The following SYT1 variants were observed in gnomAD, a reference collection of about 807,000 sequenced individuals.
The protein encoded by SYT1 is synaptotagmin 1.
In SYT1, 8 loss-of-function variants were observed where a neutral mutation model predicts 44.8. The observed-to-expected ratio is 0.18, with a 90% CI of 0.10 to 0.32. The LOEUF is 0.32. Ranked by LOEUF, SYT1 falls within the 10% of genes least tolerant of loss-of-function variation. The pLI is 1.00. For missense variants in SYT1, 286 were observed against 509.3 expected (o/e 0.56, Z 4.22); for synonymous variants, 154 against 188.8 (o/e 0.82, Z 1.51).
At chr12:79,218,153 T>C (rs997839971) in intron 4 of SYT1, among the ~76,000 whole-genome samples, 6 of 152,148 alleles carry the variant, frequency 3.9e-5, no homozygotes, top group African/African-American at 1.2e-4. Context: ...AGTTTCCTTA[T>C]TGTCATTAAA....
chr12:79,328,182 T>C (rs537432023), intron 8 of SYT1, among the ~76,000 whole-genome samples: 4 of 152,214 alleles, frequency 2.6e-5, no homozygotes, highest in Non-Finnish European at 5.9e-5. Context: ...ATTGAAAAAG[T>C]ATTTTCAAAA....
At chr12:79,386,450 C>A (rs1884438166) in intron 9 of SYT1, among the ~76,000 whole-genome samples, 2 of 152,002 alleles carry the variant, frequency 1.3e-5, no homozygotes, top group South Asian at 4.2e-4. Flanking sequence ...TTGCTGCACC[C>A]ATCAACCCAT....
At chr12:78,970,585 C>T (rs1565742234) in intron 1 of SYT1, among the ~76,000 whole-genome samples, 2 of 152,164 alleles carry the variant, frequency 1.3e-5, no homozygotes, top group Non-Finnish European at 2.9e-5. Flanking sequence ...CAAATCTCAG[C>T]TCAACTTCCT....
intron 4 of SYT1, among the ~76,000 whole-genome samples, chr12:79,222,740 T>C (rs956161584): frequency 6.6e-6 from 1 of 152,150 alleles, no homozygotes; most frequent in Non-Finnish European, 1.5e-5. Context: ...TCCTATGGCT[T>C]GATTGTTTGC....
intron 2 of SYT1, among the ~76,000 whole-genome samples, chr12:79,038,706 T>G: frequency 6.6e-6 from 1 of 151,974 alleles, no homozygotes; most frequent in African/African-American, 2.4e-5. Context: ...GTTTTGAAAT[T>G]TAAACCTTAG....
intron 1 of SYT1, among the ~76,000 whole-genome samples, chr12:78,865,499 T>C (rs1207929562): frequency 6.6e-6 from 1 of 151,858 alleles, no homozygotes; most frequent in Non-Finnish European, 1.5e-5. Flanking sequence ...GAGGATTGCC[T>C]TTCTTAGAGG....
At chr12:79,002,692 C>T (rs1592650771) in intron 2 of SYT1, among the ~76,000 whole-genome samples, 1 of 151,970 alleles carries the variant, frequency 6.6e-6, no homozygotes, top group East Asian at 1.9e-4. Context: ...TTTAGCATCA[C>T]TAATGACTAT....
intron 3 of SYT1, among the ~76,000 whole-genome samples, chr12:79,151,717 G>A (rs1870284979): frequency 1.3e-5 from 2 of 152,136 alleles, no homozygotes; most frequent in African/African-American, 4.8e-5. Flanking sequence ...GAATCACCTT[G>A]ATTAGATGTC....
At chr12:79,425,949 C>T (rs1869418643) in intron 9 of SYT1, among the ~76,000 whole-genome samples, 1 of 152,078 alleles carries the variant, frequency 6.6e-6, no homozygotes, top group South Asian at 2.1e-4. Context: ...GGTAGCTCCT[C>T]TTAGAATATT....
At chr12:79,169,712 T>C (rs961740078) in intron 3 of SYT1, among the ~76,000 whole-genome samples, 1 of 152,012 alleles carries the variant, frequency 6.6e-6, no homozygotes, top group African/African-American at 2.4e-5. Context: ...TTTTTAACTT[T>C]TAAATTTAGG....
At chr12:78,978,108 T>G (rs529493936) in intron 2 of SYT1, among the ~76,000 whole-genome samples, 177 bp downstream of exon 2, 1 of 152,202 alleles carries the variant, frequency 6.6e-6, no homozygotes, top group African/African-American at 2.4e-5. Context: ...AATTAGTGTT[T>G]GTCACATATT....
intron 9 of SYT1, among the ~76,000 whole-genome samples, chr12:79,397,533 G>C (rs1434561015): frequency 6.6e-6 from 1 of 152,104 alleles, no homozygotes; most frequent in Non-Finnish European, 1.5e-5. Flanking sequence ...TGGCCCATCA[G>C]AGGTTTTTAA....
At chr12:79,013,074 C>T (rs1305201264) in intron 2 of SYT1, among the ~76,000 whole-genome samples, 1 of 152,034 alleles carries the variant, frequency 6.6e-6, no homozygotes. Context: ...GCTCAGGAGT[C>T]ACTTACCAAA....
intron 9 of SYT1, among the ~76,000 whole-genome samples, chr12:79,426,311 A>C (rs1869444845): frequency 6.6e-6 from 1 of 152,194 alleles, no homozygotes. Context: ...AGCATTTAGC[A>C]CTTGCAATCC....
chr12:79,259,928 G>A (rs529609549), intron 4 of SYT1, among the ~76,000 whole-genome samples: 102 of 152,006 alleles, frequency 6.7e-4, no homozygotes, highest in African/African-American at 1.9e-3. Flanking sequence ...TGATTCCACC[G>A]TTCCTTATTT....
chr12:79,209,585 G>A (rs1874320526), intron 3 of SYT1, among the ~76,000 whole-genome samples: 1 of 152,190 alleles, frequency 6.6e-6, no homozygotes, highest in African/African-American at 2.4e-5. Context: ...CCTGGGTAAG[G>A]GGGTTTAACC....
intron 9 of SYT1, among the ~76,000 whole-genome samples, chr12:79,383,462 A>G (rs932537321): frequency 3.9e-5 from 6 of 152,202 alleles, no homozygotes; most frequent in African/African-American, 1.4e-4. Flanking sequence ...ATATGGTACA[A>G]TGGCAAAATA....
At position 79,449,256 on chromosome 12, in the gene SYT1, C is replaced by A; in HGVS notation, c.*132C>A. 1 of 994,176 alleles carries A rather than the reference C, an allele frequency of 1.0e-6. No individual in the cohort carries two copies. The highest frequency in any genetic ancestry group is 1.5e-6 in the Non-Finnish European group (1 of 684,704). 61.6% of individuals were successfully genotyped at this position (994,176 alleles called of 1,614,324 possible). ...AACACAATTCAGTGGTACTTGGAAT[C>A]CTGTTTTAATTTGCACAAATTTAAA... On this transcript the variant is annotated 3_prime_UTR_variant, in exon 11 of 11. Transcript: ENST00000261205.
intron 3 of SYT1, among the ~76,000 whole-genome samples, chr12:79,065,062 T>G (rs1343757988): frequency 1.3e-5 from 2 of 152,136 alleles, no homozygotes; most frequent in Non-Finnish European, 2.9e-5. Flanking sequence ...TCTACCATTC[T>G]TCACACATTC....
Sources: allele counts gnomAD v4.1 joint callset (sites outside exome capture counted in the v4.1 genomes callset), GRCh38; gene constraint gnomAD v4.1.1; transcripts MANE v1.5; gene names NCBI Gene and HGNC (gene_info 2026-07-23, HGNC 2026-07-21).